TNIK: variants seen among roughly 807,000 people sequenced by gnomAD.
TNIK encodes TRAF2 and NCK interacting kinase.
TNIK carries 49 observed loss-of-function variants against 191.3 expected under a neutral mutation model. That is an observed-to-expected ratio of 0.26 (90% CI 0.20 to 0.32). The LOEUF (loss-of-function observed/expected upper bound fraction) is 0.32, where lower values mean the gene tolerates loss of function less well. Among genes scored for constraint, TNIK ranks in the 10% least tolerant of loss-of-function variants. TNIK has a pLI of 1.00. For synonymous variants in TNIK, 594 were observed against 600.9 expected (o/e 0.99, Z 0.17); for missense variants, 1,155 against 1,702.3 (o/e 0.68, Z 5.66).
intron 2 of TNIK, among the ~76,000 whole-genome samples, chr3:171,319,446 G>A (rs564162544): frequency 4.9e-4 from 74 of 152,058 alleles, no homozygotes; most frequent in African/African-American, 1.5e-3. Flanking sequence ...TAACTACTAC[G>A]GCTAATAAAA....
chr3:171,074,604 T>G (rs1719653459), intron 28 of TNIK, among the ~76,000 whole-genome samples: 1 of 152,234 alleles, frequency 6.6e-6, no homozygotes, highest in South Asian at 2.1e-4. Context: ...TAAAGAAATT[T>G]AAAATCATCT....
chr3:171,241,258 G>A (rs1377450118), intron 2 of TNIK, among the ~76,000 whole-genome samples: 3 of 151,926 alleles, frequency 2.0e-5, no homozygotes, highest in African/African-American at 7.3e-5. Context: ...TCAAACTCCC[G>A]ACCTCAGGTG....
At chr3:171,349,509 G>C (rs1476816017) in intron 2 of TNIK, among the ~76,000 whole-genome samples, 2 of 152,062 alleles carry the variant, frequency 1.3e-5, no homozygotes, top group East Asian at 3.9e-4. Context: ...ACAGCTCCAG[G>C]GCATAAACTA....
At chr3:171,406,713 G>A (rs1255118047) in intron 1 of TNIK, among the ~76,000 whole-genome samples, 3 of 152,200 alleles carry the variant, frequency 2.0e-5, no homozygotes, top group East Asian at 3.9e-4. Flanking sequence ...GATTACAGGC[G>A]TGAGCCACCT....
chr3:171,187,985 T>C (rs774108582), intron 7 of TNIK, among the ~76,000 whole-genome samples: 2 of 152,194 alleles, frequency 1.3e-5, no homozygotes, highest in Non-Finnish European at 2.9e-5. Context: ...CACCATTCAT[T>C]AGAAAGCCGT....
chr3:171,161,170 G>A, intron 11 of TNIK, 100 bp downstream of exon 11: 3 of 1,238,132 alleles, frequency 2.4e-6, no homozygotes, highest in Non-Finnish European at 2.3e-6. Flanking sequence ...CCACCCTGGT[G>A]GATTCTTAAA....
rs892771541 is a variant in TNIK, at chr3:171,058,987, G to C, written c.*4894C>G. On this transcript the variant is annotated 3_prime_UTR_variant, in exon 33 of 33. Coordinates refer to ENST00000436636, the MANE Select transcript of TNIK (RefSeq NM_015028.4). ...CCTTAACATTTATCCCAGGGGAAGA[G>C]ATAAGGGAAAGGGGTAGCTGGGCAT... Among the ~76,000 whole-genome samples the C allele has an allele frequency of 1.3e-5, 2 of 152,168 alleles. No individual in the cohort carries two copies. The highest frequency in any genetic ancestry group is 2.4e-5 in the African/African-American group (1 of 41,446).
chr3:171,251,728 G>A (rs1459054904), intron 2 of TNIK, among the ~76,000 whole-genome samples: 3 of 152,066 alleles, frequency 2.0e-5, no homozygotes, highest in Non-Finnish European at 2.9e-5. Flanking sequence ...TTGTCTCTAG[G>A]CACTAATACC....
intron 2 of TNIK, among the ~76,000 whole-genome samples, chr3:171,256,951 C>G (rs1746952260): frequency 6.6e-6 from 1 of 152,164 alleles, no homozygotes; most frequent in Non-Finnish European, 1.5e-5. Flanking sequence ...TGCTGAGAGA[C>G]AGGTCTACTT....
intron 2 of TNIK, among the ~76,000 whole-genome samples, chr3:171,352,407 T>C (rs1360575470): frequency 2.0e-5 from 3 of 152,218 alleles, no homozygotes; most frequent in African/African-American, 7.2e-5. Flanking sequence ...GGCATCCCCT[T>C]TGTGACTTAG....
intron 18 of TNIK, among the ~76,000 whole-genome samples, chr3:171,119,732 G>A (rs1727357835): frequency 6.6e-6 from 1 of 151,762 alleles, no homozygotes; most frequent in Non-Finnish European, 1.5e-5. Context: ...TCACTCATAG[G>A]TGGGAATTGA....
intron 25 of TNIK, 92 bp from the exon 26 acceptor site, chr3:171,084,417 G>T: frequency 7.0e-7 from 1 of 1,432,404 alleles, no homozygotes; most frequent in Non-Finnish European, 9.5e-7. Context: ...TCCTTGTTTG[G>T]TTTGAATTAT....
Position 171,063,642 on chromosome 3 carries a change from C to T in TNIK, c.*239G>A, listed in dbSNP as rs932499904. The T allele has an allele frequency of 1.4e-5, 6 of 443,260 alleles. No homozygotes were observed. Among genetic ancestry groups the T allele is most frequent in the African/African-American group, 1.2e-4 (6 of 49,220 alleles). 27.5% of individuals were successfully genotyped at this position (443,260 alleles called of 1,614,324 possible). A position where few individuals can be genotyped will look rare whatever the true frequency, so the allele number is the denominator to read the frequency against. On this transcript the variant is annotated 3_prime_UTR_variant, in exon 33 of 33. Coordinates refer to ENST00000436636, the MANE Select transcript of TNIK (RefSeq NM_015028.4). ...CACATGGTCCATCTTTGTCCACAGA[C>T]AAGGCAGCATTCTTGGGGATCTCCT...
intron 1 of TNIK, among the ~76,000 whole-genome samples, chr3:171,408,375 A>G (rs1560034685): frequency 6.6e-6 from 1 of 152,210 alleles, no homozygotes; most frequent in Non-Finnish European, 1.5e-5. Flanking sequence ...CCGGTGGCTC[A>G]TTTAGCCATG....
At chr3:171,308,323 GA>G (rs1205444194) in intron 2 of TNIK, among the ~76,000 whole-genome samples, 1 of 152,098 alleles carries the variant, frequency 6.6e-6, no homozygotes, top group Non-Finnish European at 1.5e-5. Context: ...AAGCAATGGG[GA>G]AAGGATTCCC....
At chr3:171,290,834 G>A (rs142367138) in intron 2 of TNIK, among the ~76,000 whole-genome samples, 165 of 152,260 alleles carry the variant, frequency 1.1e-3, no homozygotes, top group African/African-American at 3.8e-3. Flanking sequence ...GAACGAGTCA[G>A]TTCAATGAAA....
intron 2 of TNIK, among the ~76,000 whole-genome samples, chr3:171,254,782 C>A (rs114510184): frequency 1.3e-5 from 2 of 152,096 alleles, no homozygotes; most frequent in Non-Finnish European, 2.9e-5. Flanking sequence ...AACACAATAG[C>A]GACTCGTTCC....
At chr3:171,363,744 T>C (rs1233924835) in intron 2 of TNIK, among the ~76,000 whole-genome samples, 2 of 152,230 alleles carry the variant, frequency 1.3e-5, no homozygotes, top group Non-Finnish European at 2.9e-5. Context: ...ATATACAGAT[T>C]TGAGAAAATC....
chr3:171,103,445 T>C (rs1723941692), intron 21 of TNIK, among the ~76,000 whole-genome samples: 1 of 152,216 alleles, frequency 6.6e-6, no homozygotes, highest in Admixed American at 6.5e-5. Flanking sequence ...CAATTGTCAA[T>C]GCTTATCTTT....
Sources: allele counts gnomAD v4.1 joint callset (sites outside exome capture counted in the v4.1 genomes callset), GRCh38; gene constraint gnomAD v4.1.1; transcripts MANE v1.5; gene names NCBI Gene and HGNC (gene_info 2026-07-23, HGNC 2026-07-21).